The following UGT2B7 variants were observed in gnomAD, a reference collection of about 807,000 sequenced individuals.
The protein encoded by UGT2B7 is UDP glucuronosyltransferase family 2 member B7.
UGT2B7 carries 51 observed loss-of-function variants against 51.9 expected under a neutral mutation model. The observed-to-expected ratio is 0.98, with a 90% CI of 0.78 to 1.24. The LOEUF (loss-of-function observed/expected upper bound fraction) is 1.24. Ranked by LOEUF, UGT2B7 falls within the 50% of genes most tolerant of loss-of-function variation. UGT2B7 has a pLI of 0.00. For missense variants in UGT2B7, 727 were observed against 628.4 expected (o/e 1.16, Z -1.68); for synonymous variants, 225 against 211.6 (o/e 1.06, Z -0.55).
intron 1 of UGT2B7, among the ~76,000 whole-genome samples, chr4:69,054,278 G>C (rs1225350013): frequency 6.6e-6 from 1 of 152,170 alleles, no homozygotes; most frequent in Non-Finnish European, 1.5e-5. Context: ...GCCAAGGCCA[G>C]TGGCCTATCT....
At chr4:69,059,363 G>C (rs1235799742) in intron 1 of UGT2B7, among the ~76,000 whole-genome samples, 2 of 152,176 alleles carry the variant, frequency 1.3e-5, no homozygotes, top group Non-Finnish European at 2.9e-5. Context: ...ATCCCAAATG[G>C]TTCTGTTCCT....
Position 69,112,436 on chromosome 4 carries a change from G to T in UGT2B7, c.1311-21G>T, listed in dbSNP as rs765018258. 3.1e-6 allele frequency: 5 copies of T among 1,607,626 alleles called. No homozygotes were observed. The highest frequency in any genetic ancestry group is 4.2e-6 in the Non-Finnish European group (5 of 1,177,218). ...CTGTAACTCTTCCTGCTACATTACT[G>T]TCTTTATTTTTATCTTTCAGATATA... On this transcript the variant is annotated intron_variant, in intron 5 of 5. Coordinates refer to ENST00000305231, the MANE Select transcript of UGT2B7 (RefSeq NM_001074.4).
At chr4:69,104,312 A>C (rs556837775) in intron 3 of UGT2B7, among the ~76,000 whole-genome samples, 1 of 152,212 alleles carries the variant, frequency 6.6e-6, no homozygotes, top group Non-Finnish European at 1.5e-5. Context: ...ACTGTAGTAT[A>C]TTTCAGGATC....
intron 1 of UGT2B7, among the ~76,000 whole-genome samples, chr4:69,076,033 G>T (rs534473750): frequency 4.1e-4 from 63 of 152,178 alleles, no homozygotes; most frequent in African/African-American, 1.5e-3. Context: ...TGCGGTGTTA[G>T]ATTTTCTGTT....
chr4:69,068,646 A>G (rs1718533790), intron 1 of UGT2B7, among the ~76,000 whole-genome samples: 1 of 151,894 alleles, frequency 6.6e-6, no homozygotes, highest in Non-Finnish European at 1.5e-5. Context: ...TATTTGTGTT[A>G]TGTAACCCAA....
Position 69,064,121 on chromosome 4 carries a change from A to G in UGT2B7, c.-159+12519A>G, listed in dbSNP as rs563304949. 8.6e-3 allele frequency among the ~76,000 whole-genome samples: 1,256 copies of G among 146,168 alleles called. 18 individuals are homozygous for G. Among genetic ancestry groups the G allele is most frequent in the Non-Finnish European group, 0.012 (818 of 66,010 alleles). On this transcript the variant is annotated intron_variant, in intron 1 of 5. Coordinates refer to the UGT2B7 transcript ENST00000502942. Reference sequence around the variant, plus strand: ...GAGAAAGAAAGAAAGAAAAAGAAAGAAAGAAAGAAAGAAAGAAAAACAAAA... The same window carrying G: ...GAGAAAGAAAGAAAGAAAAAGAAAGGAAGAAAGAAAGAAAGAAAAACAAAA...
rs548501123 is a variant in UGT2B7, at chr4:69,081,370, A to G, written c.-158-8102A>G. Among the ~76,000 whole-genome samples, 960 of 152,066 alleles carry G rather than the reference A, an allele frequency of 6.3e-3. 10 individuals carry two copies. Among genetic ancestry groups the G allele is most frequent in the African/African-American group, 0.022 (919 of 41,504 alleles). On this transcript the variant is annotated intron_variant, in intron 1 of 5. Transcript: ENST00000502942. ...ATATACACTTGTAATTATTTTTCCT[A>G]CATTTACACTCTTCTGTTTACTTGC...
At chr4:69,087,287 C>T (rs752830979) in intron 1 of UGT2B7, among the ~76,000 whole-genome samples, 7 of 151,896 alleles carry the variant, frequency 4.6e-5, no homozygotes, top group African/African-American at 7.2e-5. Context: ...AAACTGGTGA[C>T]AACTTTGAGC....
upstream of UGT2B7, among the ~76,000 whole-genome samples, chr4:69,095,502 G>A (rs1719199031): frequency 6.6e-6 from 1 of 152,154 alleles, no homozygotes; most frequent in Admixed American, 6.5e-5. Context: ...CAAAAGGAAA[G>A]TTGATCATTT....
intron 1 of UGT2B7, among the ~76,000 whole-genome samples, chr4:69,069,074 A>T (rs1180252241): frequency 6.6e-6 from 1 of 151,054 alleles, no homozygotes; most frequent in East Asian, 1.9e-4. Flanking sequence ...ATTCAATTTA[A>T]CAATAAAAAA....
chr4:69,107,971 C>G (rs1248740414), intron 4 of UGT2B7, 132 bp from the exon 5 acceptor site: 8 of 1,207,748 alleles, frequency 6.6e-6, no homozygotes, highest in Non-Finnish European at 8.2e-6. Context: ...GTGTTTTTTC[C>G]TCCGAAGTCT....
At chr4:69,071,040 A>T (rs566066887) in intron 1 of UGT2B7, among the ~76,000 whole-genome samples, 2 of 152,154 alleles carry the variant, frequency 1.3e-5, no homozygotes, top group Non-Finnish European at 2.9e-5. Context: ...TGTTTTCCAC[A>T]TGAGGCCTTG....
intron 2 of UGT2B7, among the ~76,000 whole-genome samples, chr4:69,099,769 T>G (rs1235999986): frequency 6.6e-6 from 1 of 152,020 alleles, no homozygotes; most frequent in Non-Finnish European, 1.5e-5. Flanking sequence ...ATACTACTAA[T>G]TACTTAACAT....
intron 1 of UGT2B7, among the ~76,000 whole-genome samples, chr4:69,062,058 C>T (rs1455119700): frequency 2.6e-5 from 4 of 152,106 alleles, no homozygotes; most frequent in East Asian, 3.9e-4. Flanking sequence ...GGACTTAACT[C>T]GACTGTTAAA....
At chr4:69,102,282 A>G (rs1719442042) in intron 2 of UGT2B7, among the ~76,000 whole-genome samples, 2 of 152,276 alleles carry the variant, frequency 1.3e-5, no homozygotes, top group African/African-American at 4.8e-5. Context: ...AAATGTAGAT[A>G]TAAAATTATC....
chr4:69,066,061 A>C (rs953480028), intron 1 of UGT2B7, among the ~76,000 whole-genome samples: 2 of 152,100 alleles, frequency 1.3e-5, no homozygotes, highest in African/African-American at 4.8e-5. Flanking sequence ...ACTTGTCCTC[A>C]TTTCCTTATT....
chr4:69,069,473 C>G, intron 1 of UGT2B7, among the ~76,000 whole-genome samples: 1 of 151,994 alleles, frequency 6.6e-6, no homozygotes, highest in East Asian at 1.9e-4. Flanking sequence ...ATGCATGAAA[C>G]AAATTCTAGC....
chr4:69,078,246 C>T (rs1217357512), intron 1 of UGT2B7, among the ~76,000 whole-genome samples: 3 of 151,996 alleles, frequency 2.0e-5, no homozygotes, highest in South Asian at 2.1e-4. Flanking sequence ...CAGGCATATT[C>T]GCCTGAAATT....
chr4:69,112,879 G>A lies in UGT2B7; in HGVS notation c.*143G>A. 1 of 1,303,208 alleles carries A rather than the reference G, an allele frequency of 7.7e-7. No homozygotes were observed. Among genetic ancestry groups the A allele is most frequent in the African/African-American group, 1.5e-5 (1 of 65,182 alleles). The allele number at this position is 1,303,208 out of a possible 1,614,324, so 80.7% of individuals were successfully genotyped here. A position where few individuals can be genotyped will look rare whatever the true frequency, so the allele number is the denominator to read the frequency against. On this transcript the variant is annotated 3_prime_UTR_variant, in exon 6 of 6. Transcript: ENST00000305231. ...AAAAAATCTTTTCAAAATTTACTTTGTCAAATAAAAATTTGTTTTTCAGAG... is the reference window on the plus strand; with the variant it reads ...AAAAAATCTTTTCAAAATTTACTTTATCAAATAAAAATTTGTTTTTCAGAG...
Sources: allele counts gnomAD v4.1 joint callset (sites outside exome capture counted in the v4.1 genomes callset), GRCh38; gene constraint gnomAD v4.1.1; transcripts MANE v1.5; gene names NCBI Gene and HGNC (gene_info 2026-07-23, HGNC 2026-07-21).